SYNJ1: variants seen among roughly 807,000 people sequenced by gnomAD.
The protein encoded by SYNJ1 is synaptojanin 1.
Under a neutral mutation model 168.2 loss-of-function variants are expected in SYNJ1, and 78 were observed. That is an observed-to-expected ratio of 0.46 (90% CI 0.39 to 0.56). The LOEUF (loss-of-function observed/expected upper bound fraction) is 0.56. Ranked by LOEUF, SYNJ1 falls within the 20% of genes least tolerant of loss-of-function variation. The probability of loss-of-function intolerance (pLI) is 0.00; values close to 1 mark genes in which losing one functional copy is unlikely to be tolerated. For synonymous variants in SYNJ1, 539 were observed against 548.6 expected, an observed-to-expected ratio of 0.98 and a Z score of 0.24; for missense variants, 1,303 against 1,597.6, an observed-to-expected ratio of 0.82 and a Z score of 3.14.
intron 11 of SYNJ1, 95 bp downstream of exon 11, chr21:32,681,401 T>G (rs1344056773): frequency 3.6e-6 from 5 of 1,376,418 alleles, no homozygotes; most frequent in Non-Finnish European, 4.9e-6. Flanking sequence ...TCTATTAATT[T>G]AAACCATCTA....
chr21:32,663,219 T>C (rs2040785211), intron 18 of SYNJ1, among the ~76,000 whole-genome samples: 1 of 152,160 alleles, frequency 6.6e-6, no homozygotes, highest in African/African-American at 2.4e-5. Flanking sequence ...AGAATCACCC[T>C]GATAATTTCT....
chr21:32,693,030 C>CACAT (rs2042081198), intron 6 of SYNJ1, among the ~76,000 whole-genome samples: 1 of 151,238 alleles, frequency 6.6e-6, no homozygotes, highest in South Asian at 2.1e-4. Flanking sequence ...GACCCTGTCT[C>CACAT]AAATAAATAA....
intron 6 of SYNJ1, among the ~76,000 whole-genome samples, chr21:32,693,814 T>C (rs779863596): frequency 9.9e-5 from 15 of 152,162 alleles, no homozygotes; most frequent in Non-Finnish European, 8.8e-5. Context: ...TTGCCCAAGA[T>C]CACACAGCTA....
intron 29 of SYNJ1, among the ~76,000 whole-genome samples, chr21:32,641,517 A>T (rs935942422): frequency 6.6e-6 from 1 of 151,018 alleles, no homozygotes; most frequent in Non-Finnish European, 1.5e-5. Flanking sequence ...TGAATTTATC[A>T]TTTTTTTTTC....
At chr21:32,653,213 A>G (rs746617381) in intron 22 of SYNJ1, 75 bp downstream of exon 22, 2 of 1,164,126 alleles carry the variant, frequency 1.7e-6, no homozygotes, top group African/African-American at 3.1e-5. Flanking sequence ...ATCTTGCTGC[A>G]TGTCTATAAA....
In SYNJ1 at chr21:32,629,749, T is replaced by C. The variant is rs1204626876; in HGVS notation, c.*2056A>G. 1 of 152,312 alleles carries C rather than the reference T, an allele frequency of 6.6e-6. No homozygotes were observed. The highest frequency in any genetic ancestry group is 1.5e-5 in the Non-Finnish European group (1 of 68,048). The allele number at this position is 152,312 out of a possible 1,614,324, so 9.4% of individuals were successfully genotyped here. ...TTTCTGATTGGTTTACTTAATGATA[T>C]CAAAATACTACATTCTGTAAAAATT... On this transcript the variant is annotated 3_prime_UTR_variant, in exon 33 of 33. Coordinates refer to ENST00000674351, the MANE Select transcript of SYNJ1 (RefSeq NM_203446.3).
At chr21:32,686,898 T>C (rs2041854804) in intron 8 of SYNJ1, 80 bp downstream of exon 8, 1 of 971,428 alleles carries the variant, frequency 1.0e-6, no homozygotes. Flanking sequence ...TGGAAGAATC[T>C]GATTACTGTA....
At chr21:32,643,560 A>G (rs2039941878) in intron 26 of SYNJ1, 103 bp from the exon 27 acceptor site, 3 of 1,211,518 alleles carry the variant, frequency 2.5e-6, no homozygotes, top group Admixed American at 4.2e-5. Flanking sequence ...ACTTTTGCAA[A>G]AAGGCTCTTT....
intron 1 of SYNJ1, 175 bp downstream of exon 1, chr21:32,727,771 A>C (rs1316659224): frequency 3.0e-6 from 4 of 1,339,656 alleles, no homozygotes; most frequent in Non-Finnish European, 3.9e-6. Context: ...CACCCCGCAC[A>C]ACCAGTGGTC....
At chr21:32,657,423 T>C (rs1371746028) in intron 19 of SYNJ1, among the ~76,000 whole-genome samples, 6 of 152,208 alleles carry the variant, frequency 3.9e-5, no homozygotes, top group Non-Finnish European at 7.3e-5. Context: ...TCAAAACATA[T>C]GCAAACCACT....
rs1484156899 is a variant in SYNJ1, at chr21:32,650,324, A to T, written c.2897T>A (p.Ile966Asn). The T allele has an allele frequency of 1.2e-6, 2 of 1,612,240 alleles. No individual in the cohort carries two copies. Among genetic ancestry groups the T allele is most frequent in the Non-Finnish European group, 1.7e-6 (2 of 1,179,438 alleles). ...GATCCAGTCTGGACTTTTTAAAGCA[A>T]TAGTTATAGTCCGATTCAATAACTA... The part of the protein sequence containing the change: ...GKELLNRTIT[I>N]ALKSPDWIKN... Residue 966 changes from isoleucine to asparagine, a missense_variant, in exon 23 of 33, where the codon ATT becomes AAT. Ile to Asn is a moderately radical substitution (Grantham distance 149). Around this residue, in one of 2 missense-constraint regions of SYNJ1, gnomAD observed 920 missense variants for 1,208.8 expected, o/e 0.76. Coordinates refer to ENST00000674351, the MANE Select transcript of SYNJ1 (RefSeq NM_203446.3).
At chr21:32,685,023 C>CA (rs963349159) in intron 9 of SYNJ1, among the ~76,000 whole-genome samples, 1,454 of 143,606 alleles carry the variant, frequency 0.01, 21 homozygotes, top group African/African-American at 0.03. Context: ...ACTAAAAATA[C>CA]AAAAAAAAAA....
At position 32,681,731 on chromosome 21, in the gene SYNJ1, C is replaced by A. The variant is rs530518226; in HGVS notation, c.1201-83G>T. ...CTTTTAAGAACTACCAGAATCAAACCAAAAATTTATCATTATAGCACTATT... is the reference window on the plus strand; with the variant it reads ...CTTTTAAGAACTACCAGAATCAAACAAAAAATTTATCATTATAGCACTATT... On this transcript the variant is annotated intron_variant, in intron 10 of 32. Coordinates refer to ENST00000674351, the MANE Select transcript of SYNJ1 (RefSeq NM_203446.3). 1.5e-4 allele frequency: 202 copies of A among 1,342,006 alleles called. No individual in the cohort carries two copies. In the East Asian group the frequency reaches 4.8e-3, roughly 32 times the overall value. The allele number at this position is 1,342,006 out of a possible 1,614,324, so 83.1% of individuals were successfully genotyped here. A position where few individuals can be genotyped will look rare whatever the true frequency, so the allele number is the denominator to read the frequency against.
At chr21:32,653,530 C>G in intron 21 of SYNJ1, 164 bp from the exon 22 acceptor site, 2 of 577,188 alleles carry the variant, frequency 3.5e-6, no homozygotes, top group South Asian at 4.3e-5. Flanking sequence ...AGAGGGCACT[C>G]TTCCCCTAAA....
intron 2 of SYNJ1, among the ~76,000 whole-genome samples, chr21:32,723,735 CA>C (rs753352159): frequency 5.8e-4 from 88 of 152,148 alleles, no homozygotes; most frequent in Admixed American, 9.8e-4. Context: ...GCAGGAGGAT[CA>C]ATTGAGCCCG....
chr21:32,672,924 T>C (rs2041261880), intron 14 of SYNJ1, among the ~76,000 whole-genome samples: 1 of 152,188 alleles, frequency 6.6e-6, no homozygotes, highest in African/African-American at 2.4e-5. Context: ...ATTTTAATTA[T>C]GTAATTTTAA....
At chr21:32,680,100 A>G (rs1601398650) in intron 11 of SYNJ1, among the ~76,000 whole-genome samples, 1 of 152,206 alleles carries the variant, frequency 6.6e-6, no homozygotes, top group Non-Finnish European at 1.5e-5. Context: ...TTTAAAAGGA[A>G]TAAATCAAAG....
intron 2 of SYNJ1, among the ~76,000 whole-genome samples, chr21:32,715,468 T>C (rs1010100208): frequency 4.0e-5 from 6 of 151,084 alleles, no homozygotes; most frequent in African/African-American, 1.5e-4. Flanking sequence ...AGTGAGACTC[T>C]GTCTCAAAAA....
At chr21:32,726,474 G>A (rs2043459955) in intron 2 of SYNJ1, among the ~76,000 whole-genome samples, 1 of 152,094 alleles carries the variant, frequency 6.6e-6, no homozygotes, top group Admixed American at 6.5e-5. Flanking sequence ...TGTGATACAT[G>A]ATACAAACTG....
Sources: gnomAD v4.1 joint callset for allele counts (sites outside exome capture counted in the v4.1 genomes callset) on GRCh38, gnomAD v4.1.1 for gene constraint, gnomAD v4.1.1 regional missense constraint, MANE v1.5 for transcripts, NCBI Gene and HGNC (gene_info 2026-07-23, HGNC 2026-07-21) for gene names.